The following CHN2 variants were observed in gnomAD, a reference collection of about 807,000 sequenced individuals.
The protein encoded by CHN2 is chimerin 2.
CHN2 carries 35 observed loss-of-function variants against 56.3 expected under a neutral mutation model. The observed-to-expected ratio is 0.62, with a 90% CI of 0.47 to 0.82. CHN2 has a LOEUF of 0.82. Ranked by LOEUF, CHN2 falls within the 40% of genes least tolerant of loss-of-function variation. CHN2 has a pLI of 0.00. For missense variants in CHN2, 491 were observed against 580.5 expected (o/e 0.85, Z 1.58); for synonymous variants, 210 against 212.8 (o/e 0.99, Z 0.12).
intron 6 of CHN2, among the ~76,000 whole-genome samples, chr7:29,444,100 G>C (rs1237034168): frequency 6.6e-6 from 1 of 152,164 alleles, no homozygotes; most frequent in Non-Finnish European, 1.5e-5. Flanking sequence ...TATTTATGCT[G>C]ATGGAAAAAG....
chr7:29,256,714 ATCT>A (rs1323807228), intron 1 of CHN2, among the ~76,000 whole-genome samples: 5 of 152,162 alleles, frequency 3.3e-5, no homozygotes, highest in Non-Finnish European at 7.4e-5. Context: ...GATCTCGATG[ATCT>A]TCTGAAAGCT....
At chr7:29,240,830 C>T (rs1022343409) in intron 1 of CHN2, among the ~76,000 whole-genome samples, 9 of 151,796 alleles carry the variant, frequency 5.9e-5, no homozygotes, top group African/African-American at 7.3e-5. Flanking sequence ...TCGTCGTCGT[C>T]GTCGTCTTCG....
intron 6 of CHN2, among the ~76,000 whole-genome samples, chr7:29,434,224 A>T (rs1047329381): frequency 6.6e-6 from 1 of 152,150 alleles, no homozygotes; most frequent in African/African-American, 2.4e-5. Context: ...GATGCTGCTA[A>T]TGTGGTTCTG....
chr7:29,176,730 A>T (rs1797397642), intron 2 of CHN2, among the ~76,000 whole-genome samples: 1 of 152,228 alleles, frequency 6.6e-6, no homozygotes, highest in Non-Finnish European at 1.5e-5. Context: ...CGTTGACAGT[A>T]TAAAACAACA....
At chr7:29,307,630 G>C (rs1310217220) in intron 1 of CHN2, among the ~76,000 whole-genome samples, 1 of 152,184 alleles carries the variant, frequency 6.6e-6, no homozygotes, top group Non-Finnish European at 1.5e-5. Context: ...GAGTGTGAGA[G>C]TCAGAGAGTC....
At chr7:29,240,394 G>T (rs1000142894) in intron 1 of CHN2, among the ~76,000 whole-genome samples, 3 of 152,208 alleles carry the variant, frequency 2.0e-5, no homozygotes, top group African/African-American at 7.2e-5. Context: ...AGGAGCTATT[G>T]AATCAGCACA....
At chr7:29,482,807 T>C (rs12216578) in intron 7 of CHN2, among the ~76,000 whole-genome samples, 1,813 of 22,034 alleles carry the variant, frequency 0.082, 32 homozygotes, top group East Asian at 0.23. Flanking sequence ...CTTTTTTTTT[T>C]TTTTTTTTTT....
At chr7:29,264,881 A>AT (rs1478974690) in intron 1 of CHN2, among the ~76,000 whole-genome samples, 3 of 150,838 alleles carry the variant, frequency 2.0e-5, no homozygotes, top group African/African-American at 7.4e-5. Flanking sequence ...GCAAAAAAAA[A>AT]AAAACAAGTT....
At chr7:29,228,159 TAC>T (rs142567884) in intron 1 of CHN2, among the ~76,000 whole-genome samples, 2,228 of 147,078 alleles carry the variant, frequency 0.015, 35 homozygotes, top group African/African-American at 0.029. Context: ...TATATATATA[TAC>T]ACACACACAC....
chr7:29,291,026 G>A (rs547562943), intron 1 of CHN2, among the ~76,000 whole-genome samples: 1 of 152,262 alleles, frequency 6.6e-6, no homozygotes, highest in African/African-American at 2.4e-5. Context: ...TTCCCTGGGG[G>A]TGGGTTGTTT....
rs574834011 is a variant in CHN2, at chr7:29,490,578, T to G, written c.655-5374T>G. 2.0e-5 allele frequency among the ~76,000 whole-genome samples: 3 copies of G among 152,318 alleles called. No individual in the cohort carries two copies. In the South Asian group the frequency reaches 6.2e-4, roughly 32 times the overall value. On this transcript the variant is annotated intron_variant, in intron 7 of 12. Coordinates refer to ENST00000222792, the MANE Select transcript of CHN2 (RefSeq NM_004067.4). ...AACAAACGAGTGAATAATGAGTTGCTGGAAAGGTGGAAATAAGATGAAAAT... is the reference window on the plus strand; with the variant it reads ...AACAAACGAGTGAATAATGAGTTGCGGGAAAGGTGGAAATAAGATGAAAAT...
At chr7:29,293,955 C>T (rs1318890629) in intron 1 of CHN2, among the ~76,000 whole-genome samples, 1 of 150,574 alleles carries the variant, frequency 6.6e-6, no homozygotes, top group Non-Finnish European at 1.5e-5. Context: ...CAAGCTCCGC[C>T]TCCCGGGTTC....
At chr7:29,353,360 GA>G (rs1363573357) in intron 1 of CHN2, among the ~76,000 whole-genome samples, 6 of 152,206 alleles carry the variant, frequency 3.9e-5, no homozygotes, top group Non-Finnish European at 2.9e-5. Flanking sequence ...AATGAGTTCA[GA>G]AAAGTCTAAC....
chr7:29,220,434 A>G (rs1785705187), intron 1 of CHN2, among the ~76,000 whole-genome samples: 1 of 152,116 alleles, frequency 6.6e-6, no homozygotes, highest in Non-Finnish European at 1.5e-5. Context: ...CAAGGAAAAA[A>G]GAAGAGAAAA....
chr7:29,238,874 T>C (rs1258634894), intron 1 of CHN2, among the ~76,000 whole-genome samples: 2 of 151,836 alleles, frequency 1.3e-5, no homozygotes, highest in Non-Finnish European at 2.9e-5. Flanking sequence ...AGAGCCAGAG[T>C]GGCTGGAGAA....
At chr7:29,484,322 A>G (rs529705548) in intron 7 of CHN2, among the ~76,000 whole-genome samples, 1 of 152,374 alleles carries the variant, frequency 6.6e-6, no homozygotes, top group Non-Finnish European at 1.5e-5. Flanking sequence ...TAAAGCTGTC[A>G]TAACAAATGA....
chr7:29,160,384 A>G (rs758790066), intron 2 of CHN2, among the ~76,000 whole-genome samples: 2 of 152,164 alleles, frequency 1.3e-5, no homozygotes, highest in Non-Finnish European at 2.9e-5. Flanking sequence ...TGGCTTATCC[A>G]TGTCATTCCC....
intron 1 of CHN2, among the ~76,000 whole-genome samples, chr7:29,253,097 G>A (rs1788769162): frequency 6.6e-6 from 1 of 152,172 alleles, no homozygotes. Flanking sequence ...TTCAGTCCCT[G>A]TCCAACAGCA....
chr7:29,282,450 G>C (rs1339571921), intron 1 of CHN2, among the ~76,000 whole-genome samples: 2 of 152,190 alleles, frequency 1.3e-5, no homozygotes, highest in Non-Finnish European at 2.9e-5. Flanking sequence ...CTCATTATAT[G>C]TTACATTGAC....
Sources: allele counts gnomAD v4.1 joint callset (sites outside exome capture counted in the v4.1 genomes callset), GRCh38; gene constraint gnomAD v4.1.1; transcripts MANE v1.5; gene names NCBI Gene and HGNC (gene_info 2026-07-23, HGNC 2026-07-21).